Variants in TLR6 observed in about 807,000 individuals in gnomAD.
TLR6 encodes toll-like receptor 6.
In TLR6, 9 loss-of-function variants were observed where a neutral mutation model predicts 16.1. The observed-to-expected ratio is 0.56, with a 90% CI of 0.34 to 0.98. The LOEUF is 0.98. TLR6 is among the 50% of genes least tolerant of loss of function. TLR6 has a pLI of 0.02. For missense variants in TLR6, 786 were observed against 921.0 expected, an observed-to-expected ratio of 0.85 and a Z score of 1.90; for synonymous variants, 340 against 338.6, an observed-to-expected ratio of 1.00 and a Z score of -0.04.
At chr4:38,857,699 T>C (rs980426094), upstream of TLR6, among the ~76,000 whole-genome samples, 8 of 152,090 alleles carry the variant, frequency 5.3e-5, no homozygotes, top group African/African-American at 1.9e-4. Flanking sequence ...ATTTGGCTAA[T>C]GACAAAGTTG....
intron 1 of TLR6, among the ~76,000 whole-genome samples, chr4:38,850,528 TA>T (rs1712726379): frequency 6.6e-6 from 1 of 152,008 alleles, no homozygotes; most frequent in Non-Finnish European, 1.5e-5. Context: ...ATCAACGCAA[TA>T]AAAAATGATA....
the TLR6 span, among the ~76,000 whole-genome samples, chr4:38,862,849 C>A: frequency 2.0e-5 from 3 of 150,750 alleles, no homozygotes; most frequent in African/African-American, 7.3e-5. Context: ...CCCGTCTTGG[C>A]CTCCCAAAGT....
the TLR6 span, chr4:38,867,702 C>T: frequency 6.6e-6 from 1 of 151,110 alleles, no homozygotes; most frequent in Non-Finnish European, 1.5e-5. Flanking sequence ...CGGCGCTCCT[C>T]GTGGGGCGGG....
At chr4:38,854,500 T>G (rs1055891616) in intron 1 of TLR6, among the ~76,000 whole-genome samples, 1 of 151,964 alleles carries the variant, frequency 6.6e-6, no homozygotes, top group Non-Finnish European at 1.5e-5. Context: ...GGAGGACTCT[T>G]GTTTCTTAAA....
chr4:38,854,649 C>G (rs1234001126), intron 1 of TLR6, among the ~76,000 whole-genome samples: 1 of 151,972 alleles, frequency 6.6e-6, no homozygotes, highest in African/African-American at 2.4e-5. Flanking sequence ...TTAGTACAAG[C>G]TTTCTAAAGG....
chr4:38,829,355 T>C (rs1482770999), exon 2 of TLR6: 1 of 1,614,026 alleles, frequency 6.2e-7, no homozygotes, highest in Non-Finnish European at 8.5e-7. Flanking sequence ...AAGACCTCTT[T>C]TTGACTTGTC....
chr4:38,848,635 C>G (rs1204032529), intron 1 of TLR6, among the ~76,000 whole-genome samples: 1 of 152,114 alleles, frequency 6.6e-6, no homozygotes, highest in Non-Finnish European at 1.5e-5. Flanking sequence ...GACGAATGCA[C>G]AAGTTTCAGT....
upstream of TLR6, among the ~76,000 whole-genome samples, chr4:38,858,887 GAGAGAAAGAAAGAA>G (rs1713127633): frequency 4.5e-5 from 2 of 44,938 alleles, no homozygotes; most frequent in African/African-American, 2.5e-4. Context: ...AAGAAAGAAA[GAGAGAAAGAAAGAA>G]AGAAAAGAAA....
At chr4:38,849,783 T>C (rs960785945) in intron 1 of TLR6, among the ~76,000 whole-genome samples, 1 of 152,040 alleles carries the variant, frequency 6.6e-6, no homozygotes, top group African/African-American at 2.4e-5. Context: ...CACACAATAA[T>C]AATGGGAGAC....
chr4:38,848,349 A>T (rs554002564), intron 1 of TLR6, among the ~76,000 whole-genome samples: 1 of 152,340 alleles, frequency 6.6e-6, no homozygotes, highest in African/African-American at 2.4e-5. Context: ...AGAGCAGAAA[A>T]GCTGAAAATT....
Position 38,828,808 on chromosome 4 carries a change from G to T in TLR6, c.666C>A (p.Cys222Ter). 6.2e-7 allele frequency: 1 copy of T among 1,613,968 alleles called. No individual in the cohort carries two copies. Among genetic ancestry groups the T allele is most frequent in the Non-Finnish European group, 8.5e-7 (1 of 1,179,948 alleles). The stretch of plus-strand genomic sequence containing the variant: ...TCAATTTAATATTAGTCAGTTGTAA[G>T]CACCCTAAAGTATTAACTGATATGT... The change falls in exon 2 of 2, where the codon TGC (cysteine) becomes TGA (stop). Residue 222 changes from cysteine (C) to a stop codon, truncating the protein, a stop_gained. Coordinates refer to ENST00000436693, the Ensembl canonical transcript of TLR6. LOFTEE classifies it low-confidence loss of function (END_TRUNC).
chr4:38,828,024 A>C lies in TLR6; in HGVS notation c.1450T>G (p.Ser484Ala), dbSNP rs1727634484. Residue 484 changes from serine to alanine, a missense_variant, in exon 2 of 2, where the codon TCT (serine) becomes GCT (alanine). By Grantham distance (99) the Ser-to-Ala change is moderately conservative. Coordinates refer to ENST00000436693, the Ensembl canonical transcript of TLR6. The stretch of plus-strand genomic sequence containing the variant: ...CCACATCCAGGAAGGTCAGTTAAAG[A>C]ATTGAAAGCAACATTGAGTTCTTGC... The C allele has an allele frequency of 1.9e-6, 3 of 1,614,096 alleles. No individual in the cohort carries two copies. In the African/African-American group the frequency reaches 4.0e-5, roughly 22 times the overall value.
At chr4:38,858,772 A>T (rs1324600588), upstream of TLR6, among the ~76,000 whole-genome samples, 1 of 60,640 alleles carries the variant, frequency 1.6e-5, no homozygotes, top group East Asian at 1.0e-3. Context: ...AGAGAGAGAG[A>T]GAGGGAGAGA....
intron 1 of TLR6, among the ~76,000 whole-genome samples, chr4:38,834,165 G>C (rs1711776583): frequency 6.6e-6 from 1 of 151,472 alleles, no homozygotes; most frequent in Admixed American, 6.6e-5. Context: ...TTGAACCCAG[G>C]AGGCAGAGGT....
upstream of TLR6, among the ~76,000 whole-genome samples, chr4:38,858,771 GA>G (rs1234889770): frequency 6.6e-5 from 5 of 76,152 alleles, 1 homozygote; most frequent in African/African-American, 1.0e-4. Context: ...GAGAGAGAGA[GA>G]GAGGGAGAGA....
chr4:38,847,478 C>G (rs7654259), intron 1 of TLR6, among the ~76,000 whole-genome samples: 4,730 of 150,086 alleles, frequency 0.032, 217 homozygotes, highest in African/African-American at 0.089. Context: ...AGCCGAAGCA[C>G]GGTGAGGCAT....
intron 1 of TLR6, among the ~76,000 whole-genome samples, chr4:38,849,828 C>T (rs913793209): frequency 7.9e-5 from 12 of 152,078 alleles, no homozygotes; most frequent in African/African-American, 2.9e-4. Flanking sequence ...GACAGATCAA[C>T]GAGACAGAAA....
the TLR6 span, among the ~76,000 whole-genome samples, chr4:38,864,754 G>A: frequency 6.6e-6 from 1 of 152,174 alleles, no homozygotes; most frequent in African/African-American, 2.4e-5. Context: ...GCTCACACCT[G>A]TAGTCCCAGT....
intron 1 of TLR6, among the ~76,000 whole-genome samples, chr4:38,836,589 A>G (rs1711930934): frequency 6.6e-6 from 1 of 152,218 alleles, no homozygotes; most frequent in Non-Finnish European, 1.5e-5. Context: ...AAAAAAATTA[A>G]AGATGAAGGT....
Sources: allele counts gnomAD v4.1 joint callset (sites outside exome capture counted in the v4.1 genomes callset), GRCh38; gene constraint gnomAD v4.1.1; transcripts MANE v1.5; gene names NCBI Gene and HGNC (gene_info 2026-07-23, HGNC 2026-07-21).